TUT4: variants seen among roughly 807,000 people sequenced by gnomAD.
TUT4 encodes the protein terminal uridylyltransferase 4.
A neutral mutation model predicts 192.2 loss-of-function variants in TUT4; 36 were observed. The ratio of observed to expected loss-of-function variants is 0.19; its 90% CI spans 0.14 to 0.25. The LOEUF (loss-of-function observed/expected upper bound fraction) is 0.25, where lower values mean the gene tolerates loss of function less well. Ranked by LOEUF, TUT4 falls within the 10% of genes least tolerant of loss-of-function variation. The pLI is 1.00. For synonymous variants in TUT4, 618 were observed against 666.0 expected (o/e 0.93, Z 1.11); for missense variants, 1,493 against 1,957.2 (o/e 0.76, Z 4.47).
chr1:52,443,351 G>A (rs1656294929), intron 24 of TUT4, among the ~76,000 whole-genome samples: 2 of 151,832 alleles, frequency 1.3e-5, no homozygotes, highest in Admixed American at 1.3e-4. Context: ...CACTTTGGGA[G>A]GCTGAGATGG....
At chr1:52,455,630 A>AAAGGG (rs1557703413) in intron 20 of TUT4, among the ~76,000 whole-genome samples, 1 of 96,664 alleles carries the variant, frequency 1.0e-5, no homozygotes, top group Non-Finnish European at 1.9e-5. Flanking sequence ...AAAAAAAAAA[A>AAAGGG]GACGGGGGAG....
intron 16 of TUT4, 97 bp from the exon 17 acceptor site, chr1:52,461,866 G>T: frequency 1.4e-6 from 1 of 731,182 alleles, no homozygotes. Flanking sequence ...ACAATTTCCA[G>T]CCATAAAGCT....
intron 16 of TUT4, among the ~76,000 whole-genome samples, chr1:52,464,074 T>C (rs1557730976): frequency 6.6e-6 from 1 of 152,164 alleles, no homozygotes; most frequent in Non-Finnish European, 1.5e-5. Flanking sequence ...AGTCAGTTTA[T>C]CTTTCAAAGC....
intron 13 of TUT4, 120 bp downstream of exon 13, chr1:52,474,712 A>G (rs1490523543): frequency 1.2e-6 from 1 of 863,156 alleles, no homozygotes; most frequent in African/African-American, 1.7e-5. Context: ...ACATACCAAA[A>G]TATCATTCCA....
intron 24 of TUT4, among the ~76,000 whole-genome samples, chr1:52,444,740 T>C (rs1326487153): frequency 6.6e-6 from 1 of 150,966 alleles, no homozygotes; most frequent in African/African-American, 2.4e-5. Flanking sequence ...AGCCTACATC[T>C]TTCTCCTGTG....
intron 1 of TUT4, among the ~76,000 whole-genome samples, chr1:52,540,922 C>G (rs1294872954): frequency 1.3e-5 from 2 of 152,064 alleles, no homozygotes; most frequent in Non-Finnish European, 2.9e-5. Context: ...CAAGAATACA[C>G]TGGCCAGACG....
chr1:52,448,231 C>T (rs17364642), intron 20 of TUT4, among the ~76,000 whole-genome samples: 9,287 of 152,260 alleles, frequency 0.061, 306 homozygotes, highest in African/African-American at 0.084. Context: ...TTACATATTA[C>T]TTAAACAGAT....
At chr1:52,537,380 A>G (rs1440301324) in intron 1 of TUT4, among the ~76,000 whole-genome samples, 3 of 152,204 alleles carry the variant, frequency 2.0e-5, no homozygotes, top group Non-Finnish European at 4.4e-5. Flanking sequence ...AAAGGTTACA[A>G]AACACAAAGA....
chr1:52,515,465 T>C (rs1678478510), intron 3 of TUT4: 2 of 211,700 alleles, frequency 9.4e-6, no homozygotes, highest in African/African-American at 4.6e-5. Context: ...CTAAATATTT[T>C]ATGCTTTTCA....
At chr1:52,509,477 C>T in intron 4 of TUT4, 119 bp downstream of exon 4, 3 of 668,266 alleles carry the variant, frequency 4.5e-6, no homozygotes, top group Non-Finnish European at 7.6e-6. Flanking sequence ...AAAGCTATCA[C>T]TTCAGTTACC....
chr1:52,474,695 G>GT lies in TUT4; in HGVS notation c.2727+136dup, dbSNP rs1285422988. ...GGCAACTATATGAAAAACACAAAAG[G>GT]TAAAATACATACCAAAATATCATTC... On this transcript the variant is annotated intron_variant, in intron 13 of 29. Coordinates refer to ENST00000257177, the MANE Select transcript of TUT4 (RefSeq NM_001009881.3). 8 of 769,368 alleles carry GT rather than the reference G, an allele frequency of 1.0e-5. No homozygotes were observed. In the Admixed American group the frequency reaches 2.6e-4, roughly 25 times the overall value. 47.7% of individuals were successfully genotyped at this position (769,368 alleles called of 1,614,324 possible).
intron 27 of TUT4, chr1:52,434,546 T>C (rs536266417): frequency 6.6e-6 from 1 of 152,254 alleles, no homozygotes; most frequent in Non-Finnish European, 1.5e-5. Flanking sequence ...ATATTAAACT[T>C]ATGAGTCTGG....
chr1:52,475,625 T>C (rs952937400), intron 12 of TUT4, 90 bp from the exon 13 acceptor site: 1 of 1,195,426 alleles, frequency 8.4e-7, no homozygotes, highest in Non-Finnish European at 1.1e-6. Flanking sequence ...TGATAAACTG[T>C]CAGGAGAATA....
chr1:52,527,605 T>C (rs191710495), intron 1 of TUT4, among the ~76,000 whole-genome samples: 104 of 152,042 alleles, frequency 6.8e-4, no homozygotes, highest in Non-Finnish European at 1.3e-3. Flanking sequence ...ACAAAAGTAA[T>C]AGTAATAATC....
At chr1:52,486,891 T>C (rs1043573554) in intron 9 of TUT4, among the ~76,000 whole-genome samples, 3 of 152,210 alleles carry the variant, frequency 2.0e-5, no homozygotes, top group East Asian at 1.9e-4. Flanking sequence ...GTATCATTTA[T>C]AATCTTCTAA....
At chr1:52,485,082 G>C (rs555673536) in intron 9 of TUT4, among the ~76,000 whole-genome samples, 8 of 152,212 alleles carry the variant, frequency 5.3e-5, no homozygotes, top group Non-Finnish European at 7.3e-5. Context: ...CCAGCCTCTA[G>C]AACAGTGTCT....
At chr1:52,461,401 T>C (rs1317738099) in intron 18 of TUT4, 112 bp downstream of exon 18, 2 of 1,195,106 alleles carry the variant, frequency 1.7e-6, no homozygotes. Flanking sequence ...AGATAACTAG[T>C]AAAATACTTT....
At chr1:52,534,767 G>A (rs558871734) in intron 1 of TUT4, among the ~76,000 whole-genome samples, 2 of 152,202 alleles carry the variant, frequency 1.3e-5, no homozygotes, top group African/African-American at 4.8e-5. Context: ...GGAGGCTGAG[G>A]TGGAAGAATC....
At chr1:52,535,311 T>G (rs1199818940) in intron 1 of TUT4, among the ~76,000 whole-genome samples, 1 of 152,168 alleles carries the variant, frequency 6.6e-6, no homozygotes, top group Admixed American at 6.5e-5. Flanking sequence ...TTGTTCTCCT[T>G]CCTAGGTGAT....
Sources: gnomAD v4.1 joint callset for allele counts (sites outside exome capture counted in the v4.1 genomes callset) on GRCh38, gnomAD v4.1.1 for gene constraint, MANE v1.5 for transcripts, NCBI Gene and HGNC (gene_info 2026-07-23, HGNC 2026-07-21) for gene names.